USP24: variants seen among roughly 807,000 people sequenced by gnomAD.
The protein encoded by USP24 is ubiquitin carboxyl-terminal hydrolase 24.
Under a neutral mutation model 361.6 loss-of-function variants are expected in USP24, and 97 were observed. That is an observed-to-expected ratio of 0.27 (90% CI 0.23 to 0.32). USP24 has a LOEUF of 0.32. Among genes scored for constraint, USP24 ranks in the 10% least tolerant of loss-of-function variants. The pLI, the probability that USP24 is intolerant of heterozygous loss-of-function variation, is 1.00. For missense variants in USP24, 2,353 were observed against 3,165.6 expected (o/e 0.74, Z 6.16); for synonymous variants, 1,098 against 1,124.6 (o/e 0.98, Z 0.47).
chr1:55,127,479 T>G (rs1646466757), intron 32 of USP24, among the ~76,000 whole-genome samples: 1 of 152,244 alleles, frequency 6.6e-6, no homozygotes, highest in Non-Finnish European at 1.5e-5. Context: ...GTTGGACATT[T>G]GGATTGGTTC....
At chr1:55,184,967 T>TTA (rs1644087985) in intron 1 of USP24, among the ~76,000 whole-genome samples, 1 of 151,178 alleles carries the variant, frequency 6.6e-6, no homozygotes, top group Non-Finnish European at 1.5e-5. Context: ...TTATTTTTAT[T>TTA]TTTTTTTTGA....
At position 55,181,985 on chromosome 1, in the gene USP24, G is replaced by T. The variant is rs112081816; in HGVS notation, c.325-3853C>A. Among the ~76,000 whole-genome samples, 365 of 152,328 alleles carry T rather than the reference G, an allele frequency of 2.4e-3. 1 individual carries two copies. The highest frequency in any genetic ancestry group is 8.1e-3 in the African/African-American group (336 of 41,580). On this transcript the variant is annotated intron_variant, in intron 1 of 67. Transcript: ENST00000294383. Reference sequence around the variant, plus strand: ...TGTCAGTGCACAGAGGAAAGGCCAGGTGAGGACACAGCAAGAAGGCAGCCC... The same window carrying T: ...TGTCAGTGCACAGAGGAAAGGCCAGTTGAGGACACAGCAAGAAGGCAGCCC...
intron 1 of USP24, among the ~76,000 whole-genome samples, chr1:55,202,277 C>T (rs1220553683): frequency 6.6e-6 from 1 of 151,936 alleles, no homozygotes; most frequent in African/African-American, 2.4e-5. Flanking sequence ...TGATATTTGC[C>T]GTCATTACTG....
At chr1:55,164,744 T>C (rs890253702) in intron 7 of USP24, among the ~76,000 whole-genome samples, 1 of 151,964 alleles carries the variant, frequency 6.6e-6, no homozygotes, top group Non-Finnish European at 1.5e-5. Context: ...CAGATTCCCA[T>C]CTATCTATCC....
chr1:55,073,471 G>A (rs752113056), intron 64 of USP24, among the ~76,000 whole-genome samples: 1 of 152,158 alleles, frequency 6.6e-6, no homozygotes, highest in Non-Finnish European at 1.5e-5. Flanking sequence ...CTATTCTGAG[G>A]TTAGGGACCT....
Position 55,089,747 on chromosome 1 carries a change from A to G in USP24, c.6555-7T>C, listed in dbSNP as rs548266442. The G allele has an allele frequency of 6.3e-7, 1 of 1,575,552 alleles. No individual in the cohort carries two copies. The highest frequency in any genetic ancestry group is 1.2e-5 in the South Asian group (1 of 84,854). On this transcript the variant is annotated splice_polypyrimidine_tract_variant and splice_region_variant and intron_variant, in intron 54 of 67. Coordinates refer to ENST00000294383, the MANE Select transcript of USP24 (RefSeq NM_015306.3). ...CCATTCTTCAGTATCAACCCTTTAA[A>G]AAAAAGCAGATACAGCAATGTTAGG...
chr1:55,114,996 T>C (rs1345331456), intron 38 of USP24, among the ~76,000 whole-genome samples: 2 of 152,060 alleles, frequency 1.3e-5, no homozygotes, highest in African/African-American at 2.4e-5. Flanking sequence ...AATCTATCCA[T>C]CTGACAAAGG....
At chr1:55,187,078 A>G (rs1255505271) in intron 1 of USP24, among the ~76,000 whole-genome samples, 1 of 152,190 alleles carries the variant, frequency 6.6e-6, no homozygotes, top group East Asian at 1.9e-4. Context: ...ACCAAGTGGC[A>G]CTTATCTCAG....
chr1:55,192,366 G>A (rs1010038761), intron 1 of USP24, among the ~76,000 whole-genome samples: 1 of 152,086 alleles, frequency 6.6e-6, no homozygotes, highest in African/African-American at 2.4e-5. Context: ...TCAACTTAAC[G>A]GATAAGAGAC....
chr1:55,191,363 C>A (rs1425177059), intron 1 of USP24, among the ~76,000 whole-genome samples: 3 of 152,130 alleles, frequency 2.0e-5, no homozygotes, highest in African/African-American at 7.2e-5. Context: ...GTCTCTGTAA[C>A]TGCCATAATG....
chr1:55,194,212 T>C (rs535024074), intron 1 of USP24, among the ~76,000 whole-genome samples: 84 of 152,376 alleles, frequency 5.5e-4, no homozygotes, highest in Non-Finnish European at 1.0e-3. Flanking sequence ...CAATCAACTT[T>C]CATCCTTAAT....
chr1:55,185,656 G>A (rs67901567), intron 1 of USP24, among the ~76,000 whole-genome samples: 27,308 of 151,954 alleles, frequency 0.18, 2,574 homozygotes, highest in African/African-American at 0.21. Flanking sequence ...GACCTTCTAG[G>A]CTCAAGCAAA....
At chr1:55,126,373 T>A (rs926360686) in intron 32 of USP24, among the ~76,000 whole-genome samples, 1 of 152,180 alleles carries the variant, frequency 6.6e-6, no homozygotes, top group Non-Finnish European at 1.5e-5. Flanking sequence ...CTGATCACCC[T>A]ACTGAAAATC....
At chr1:55,159,750 T>G in intron 8 of USP24, 65 bp from the exon 9 acceptor site, 2 of 1,382,898 alleles carry the variant, frequency 1.4e-6, no homozygotes, top group Non-Finnish European at 2.0e-6. Flanking sequence ...GAGAGAATAC[T>G]TCTTCATCTA....
chr1:55,139,100 C>G lies in USP24; in HGVS notation c.2751-90G>C. On this transcript the variant is annotated intron_variant, in intron 24 of 67. Transcript: ENST00000294383. ...GTCTGTTTCACCAAAACCACAATAA[C>G]AGTTAGCACTCACTGGTCAAAGACT... The G allele has an allele frequency of 2.6e-6, 3 of 1,151,228 alleles. No individual in the cohort carries two copies. In the South Asian group the frequency reaches 4.5e-5, roughly 17 times the overall value. The allele number at this position is 1,151,228 out of a possible 1,614,324, so 71.3% of individuals were successfully genotyped here.
At chr1:55,166,659 C>A in intron 5 of USP24, 56 bp from the exon 6 acceptor site, 1 of 1,409,040 alleles carries the variant, frequency 7.1e-7, no homozygotes, top group Non-Finnish European at 9.6e-7. Context: ...CCCCATTAAC[C>A]CTTACATTTC....
At chr1:55,177,175 C>G (rs1171041689) in intron 2 of USP24, among the ~76,000 whole-genome samples, 1 of 149,694 alleles carries the variant, frequency 6.7e-6, no homozygotes, top group Non-Finnish European at 1.5e-5. Flanking sequence ...AATTACTCTT[C>G]TTCCCTAAAA....
At chr1:55,187,336 C>G (rs1644161662) in intron 1 of USP24, among the ~76,000 whole-genome samples, 1 of 152,196 alleles carries the variant, frequency 6.6e-6, no homozygotes, top group Non-Finnish European at 1.5e-5. Flanking sequence ...CTACAGTGAA[C>G]ATCATATTTA....
At chr1:55,132,096 A>C (rs1646610000) in intron 31 of USP24, among the ~76,000 whole-genome samples, 1 of 152,178 alleles carries the variant, frequency 6.6e-6, no homozygotes, top group African/African-American at 2.4e-5. Flanking sequence ...TAAACAATTA[A>C]ATGTATTAAA....
Sources: allele counts gnomAD v4.1 joint callset (sites outside exome capture counted in the v4.1 genomes callset), GRCh38; gene constraint gnomAD v4.1.1; transcripts MANE v1.5; gene names NCBI Gene and HGNC (gene_info 2026-07-23, HGNC 2026-07-21).